The following SESN1 variants were observed in gnomAD, a reference collection of about 807,000 sequenced individuals.
The protein encoded by SESN1 is sestrin 1.
SESN1 carries 30 observed loss-of-function variants against 59.3 expected under a neutral mutation model. The ratio of observed to expected loss-of-function variants is 0.51; its 90% confidence interval spans 0.38 to 0.69. SESN1 has a LOEUF of 0.69. Ranked by LOEUF, SESN1 falls within the 30% of genes least tolerant of loss-of-function variation. SESN1 has a pLI of 0.00. For missense variants in SESN1, 566 were observed against 673.0 expected (o/e 0.84, Z 1.76); for synonymous variants, 197 against 219.9 (o/e 0.90, Z 0.92).
At chr6:109,002,724 G>C (rs1779653090) in intron 1 of SESN1, among the ~76,000 whole-genome samples, 1 of 152,102 alleles carries the variant, frequency 6.6e-6, no homozygotes, top group Non-Finnish European at 1.5e-5. Context: ...TGCATCGTCA[G>C]AAAATGAAAA....
chr6:109,064,663 A>C (rs1583293042), intron 1 of SESN1, among the ~76,000 whole-genome samples: 1 of 29,338 alleles, frequency 3.4e-5, no homozygotes. Flanking sequence ...GGGGAGAGGG[A>C]AAGGGAAAGA....
At chr6:109,092,506 A>T (rs1781332419) in intron 1 of SESN1, among the ~76,000 whole-genome samples, 1 of 152,228 alleles carries the variant, frequency 6.6e-6, no homozygotes, top group Non-Finnish European at 1.5e-5. Flanking sequence ...AAAATGAAAG[A>T]TCAGGAAGAG....
chr6:108,985,755 A>ACTAT lies in SESN1; in HGVS notation c.*1785_*1788dup, dbSNP rs556758989. Among the ~76,000 whole-genome samples the ACTAT allele has an allele frequency of 6.4e-4, 97 of 152,288 alleles. 1 individual carries two copies. Among genetic ancestry groups the ACTAT allele is most frequent in the African/African-American group, 1.8e-3 (74 of 41,582 alleles). The stretch of plus-strand genomic sequence containing the variant: ...CAGAAATGGGATAAGTAAAATTTTA[A>ACTAT]CTATCTTCTTGGGTTCAATTGTATT... On this transcript the variant is annotated 3_prime_UTR_variant, in exon 10 of 10. Transcript: ENST00000436639.
intron 1 of SESN1, among the ~76,000 whole-genome samples, chr6:109,024,363 GA>G (rs1249985103): frequency 6.6e-6 from 1 of 152,128 alleles, no homozygotes; most frequent in Non-Finnish European, 1.5e-5. Context: ...GGAAGAATCA[GA>G]AAAATTCTAT....
intron 1 of SESN1, among the ~76,000 whole-genome samples, chr6:109,006,123 A>T (rs1014595476): frequency 6.6e-6 from 1 of 152,226 alleles, no homozygotes; most frequent in African/African-American, 2.4e-5. Context: ...GTTTTAAATT[A>T]TACTACCTGT....
intron 1 of SESN1, among the ~76,000 whole-genome samples, chr6:109,046,065 A>T (rs1386152496): frequency 6.6e-6 from 1 of 152,184 alleles, no homozygotes; most frequent in African/African-American, 2.4e-5. Context: ...TTACAAGCTT[A>T]AAAAAATCTA....
intron 1 of SESN1, among the ~76,000 whole-genome samples, chr6:109,064,912 T>C (rs1780797282): frequency 6.6e-6 from 1 of 152,126 alleles, no homozygotes; most frequent in African/African-American, 2.4e-5. Flanking sequence ...TGTTTTACTT[T>C]CTACACCCTC....
intron 1 of SESN1, among the ~76,000 whole-genome samples, chr6:109,054,685 T>G (rs188151923): frequency 2.0e-5 from 3 of 152,304 alleles, no homozygotes; most frequent in Non-Finnish European, 4.4e-5. Context: ...GTTCAAAATT[T>G]TTATTTACCA....
chr6:109,027,528 T>C (rs1378335498), intron 1 of SESN1, among the ~76,000 whole-genome samples: 4 of 149,674 alleles, frequency 2.7e-5, no homozygotes, highest in Non-Finnish European at 4.4e-5. Flanking sequence ...ATGCTCAGCA[T>C]TGTCAATTTA....
intron 1 of SESN1, among the ~76,000 whole-genome samples, chr6:109,052,945 TCAAA>T (rs1175108648): frequency 1.3e-5 from 2 of 152,110 alleles, no homozygotes; most frequent in African/African-American, 2.4e-5. Context: ...CAGACATTAA[TCAAA>T]CAATCAATAA....
intron 1 of SESN1, among the ~76,000 whole-genome samples, chr6:109,010,073 CGTAAAAGCTAT>C (rs1779831062): frequency 1.3e-5 from 2 of 152,156 alleles, no homozygotes; most frequent in Non-Finnish European, 2.9e-5. Flanking sequence ...TGCTAAGCTA[CGTAAAAGCTAT>C]AAATATCACT....
In SESN1 at chr6:108,992,916, T is replaced by C; in HGVS notation, c.1121-17A>G. ...CTTCATCATCTGGGAAAAAAGGCCA[T>C]TGAAAGGTTTTTAAAAATAGGATGC... On this transcript the variant is annotated splice_polypyrimidine_tract_variant and intron_variant, in intron 6 of 9. Coordinates refer to ENST00000436639, the MANE Select transcript of SESN1 (RefSeq NM_014454.3). The C allele has an allele frequency of 1.3e-6, 2 of 1,527,108 alleles. No homozygotes were observed. The highest frequency in any genetic ancestry group is 1.7e-4 in the Middle Eastern group (1 of 5,920). 94.6% of individuals were successfully genotyped at this position (1,527,108 alleles called of 1,614,324 possible).
intron 1 of SESN1, among the ~76,000 whole-genome samples, chr6:109,052,374 C>T (rs1780555147): frequency 6.6e-6 from 1 of 152,068 alleles, no homozygotes; most frequent in East Asian, 1.9e-4. Flanking sequence ...AATATATAAG[C>T]ATAGACACAA....
chr6:109,080,094 T>C (rs1179594540), intron 1 of SESN1, among the ~76,000 whole-genome samples: 1 of 152,182 alleles, frequency 6.6e-6, no homozygotes, highest in Non-Finnish European at 1.5e-5. Flanking sequence ...AGTGCAGTCT[T>C]TCAGCTATAA....
chr6:109,011,899 G>A (rs1283199412), intron 1 of SESN1, among the ~76,000 whole-genome samples: 2 of 152,100 alleles, frequency 1.3e-5, no homozygotes, highest in East Asian at 3.9e-4. Context: ...AAAGTGCTGG[G>A]ATTACAGGTG....
At chr6:109,056,088 A>T (rs1021001203) in intron 1 of SESN1, among the ~76,000 whole-genome samples, 2 of 152,184 alleles carry the variant, frequency 1.3e-5, no homozygotes, top group African/African-American at 4.8e-5. Flanking sequence ...TTCTAAAACA[A>T]CTAGAGAAAC....
rs892166281 is a variant in SESN1, at chr6:108,985,396, G to A, written c.*2148C>T. Among the ~76,000 whole-genome samples, 1 of 152,072 alleles carries A rather than the reference G, an allele frequency of 6.6e-6. No homozygotes were observed. Among genetic ancestry groups the A allele is most frequent in the African/African-American group, 2.4e-5 (1 of 41,416 alleles). ...TGGGGAAGGTTTTGATATCCCCAGT[G>A]TAATGTACCTTCCCTAATTATTTTG... On this transcript the variant is annotated 3_prime_UTR_variant, in exon 10 of 10. Transcript: ENST00000436639.
intron 4 of SESN1, among the ~76,000 whole-genome samples, chr6:108,999,731 A>G (rs1202632548): frequency 6.6e-6 from 1 of 152,156 alleles, no homozygotes; most frequent in Non-Finnish European, 1.5e-5. Flanking sequence ...ACAAAGGTAA[A>G]CGTAGGCTTA....
intron 1 of SESN1, among the ~76,000 whole-genome samples, chr6:109,011,920 C>T (rs1029198481): frequency 3.3e-5 from 5 of 152,218 alleles, no homozygotes; most frequent in African/African-American, 1.2e-4. Flanking sequence ...TGAGCCACCA[C>T]ACCCAGCCCA....
Sources: allele counts gnomAD v4.1 joint callset (sites outside exome capture counted in the v4.1 genomes callset), GRCh38; gene constraint gnomAD v4.1.1; transcripts MANE v1.5; gene names NCBI Gene and HGNC (gene_info 2026-07-23, HGNC 2026-07-21).